Variants in ZNF469 observed in about 807,000 individuals in gnomAD.
ZNF469 encodes the protein zinc finger protein 469.
Under a neutral mutation model 1.0 loss-of-function variants are expected in ZNF469, and 1 was observed. That is an observed-to-expected ratio of 1.00 (90% CI 0.35 to 4.73). The LOEUF (loss-of-function observed/expected upper bound fraction) is 4.73, where lower values mean the gene tolerates loss of function less well. Ranked by LOEUF, ZNF469 falls within the 30% of genes most tolerant of loss-of-function variation. The pLI, the probability that ZNF469 is intolerant of heterozygous loss-of-function variation, is 0.16. For synonymous variants in ZNF469, 2,703 were observed against 2,363.4 expected (o/e 1.14, Z -4.17); for missense variants, 6,100 against 5,356.3 (o/e 1.14, Z -4.33).
At chr16:88,184,869 C>T in the ZNF469 span, among the ~76,000 whole-genome samples, 1 of 152,244 alleles carries the variant, frequency 6.6e-6, no homozygotes, top group South Asian at 2.1e-4. Flanking sequence ...CGTGCGTGCA[C>T]AGACACGGAC....
the ZNF469 span, among the ~76,000 whole-genome samples, chr16:88,123,497 T>C: frequency 6.6e-6 from 1 of 152,204 alleles, no homozygotes; most frequent in Non-Finnish European, 1.5e-5. Context: ...TTTTGGGCTG[T>C]TGTTAGGAAT....
chr16:88,366,095 TCACCA>T, the ZNF469 span, among the ~76,000 whole-genome samples: 1 of 117,980 alleles, frequency 8.5e-6, no homozygotes, highest in African/African-American at 3.5e-5. Context: ...ACCATCATCA[TCACCA>T]TCATCACCAT....
At chr16:88,296,410 A>G in the ZNF469 span, among the ~76,000 whole-genome samples, 275 of 152,106 alleles carry the variant, frequency 1.8e-3, 1 homozygote, top group African/African-American at 6.2e-3. Context: ...ATATGTGCAC[A>G]CCCATGCTCA....
At chr16:88,313,015 G>C in the ZNF469 span, among the ~76,000 whole-genome samples, 5 of 152,202 alleles carry the variant, frequency 3.3e-5, no homozygotes, top group Non-Finnish European at 7.3e-5. Context: ...TCTGCAGCCT[G>C]ATCTAGGGAT....
At chr16:88,372,938 A>C in the ZNF469 span, among the ~76,000 whole-genome samples, 4 of 152,130 alleles carry the variant, frequency 2.6e-5, no homozygotes, top group African/African-American at 9.6e-5. Context: ...CATCTTCACC[A>C]TCTTTACCAT....
chr16:88,251,194 G>A, the ZNF469 span, among the ~76,000 whole-genome samples: 2 of 152,158 alleles, frequency 1.3e-5, no homozygotes, highest in African/African-American at 2.4e-5. Context: ...GTTTTTGATA[G>A]CACATTTTCC....
chr16:88,215,616 C>G, the ZNF469 span, among the ~76,000 whole-genome samples: 1 of 151,956 alleles, frequency 6.6e-6, no homozygotes, highest in South Asian at 2.1e-4. Context: ...TCTCGAACTC[C>G]TGACCTCAGA....
chr16:88,318,323 C>T, the ZNF469 span, among the ~76,000 whole-genome samples: 2 of 152,212 alleles, frequency 1.3e-5, no homozygotes, highest in Non-Finnish European at 2.9e-5. Flanking sequence ...TTAGCCTGGC[C>T]CCCTCCAGCC....
chr16:88,380,388 C>CGGGTTTGGAAATTGA (rs1599339580), upstream of ZNF469, among the ~76,000 whole-genome samples: 4 of 115,484 alleles, frequency 3.5e-5, no homozygotes, highest in East Asian at 6.4e-4. Context: ...CACGCACTCA[C>CGGGTTTGGAAATTGA]AGACACGCCC....
At chr16:88,341,345 G>A in the ZNF469 span, among the ~76,000 whole-genome samples, 5 of 152,258 alleles carry the variant, frequency 3.3e-5, no homozygotes, top group Admixed American at 6.5e-5. Context: ...GGGAACATGC[G>A]TTTGGAATCT....
the ZNF469 span, among the ~76,000 whole-genome samples, chr16:88,325,160 C>T: frequency 3.2e-3 from 358 of 113,560 alleles, no homozygotes; most frequent in Middle Eastern, 8.5e-3. Flanking sequence ...GCAGCTGCGA[C>T]ATACACAGGG....
the ZNF469 span, among the ~76,000 whole-genome samples, chr16:88,265,526 G>A: frequency 6.6e-6 from 1 of 152,242 alleles, no homozygotes; most frequent in African/African-American, 2.4e-5. Context: ...GGGCACGGCA[G>A]TATCCGGCGG....
chr16:88,256,871 C>A, the ZNF469 span, among the ~76,000 whole-genome samples: 1 of 139,928 alleles, frequency 7.1e-6, no homozygotes, highest in African/African-American at 2.6e-5. Flanking sequence ...TCCTTCCTTT[C>A]TTTCTTTTCT....
the ZNF469 span, among the ~76,000 whole-genome samples, chr16:88,238,346 C>T: frequency 4.7e-4 from 71 of 152,306 alleles, no homozygotes; most frequent in Non-Finnish European, 7.9e-4. Context: ...CACAGGGGTC[C>T]CTCCCTGATG....
At chr16:88,397,045 G>C (rs1394151304) in intron 1 of ZNF469, among the ~76,000 whole-genome samples, 1 of 151,606 alleles carries the variant, frequency 6.6e-6, no homozygotes, top group African/African-American at 2.4e-5. Flanking sequence ...CCCTCATGAA[G>C]ACAGGCCGGG....
chr16:88,351,218 G>C, the ZNF469 span, among the ~76,000 whole-genome samples: 3 of 152,206 alleles, frequency 2.0e-5, no homozygotes, highest in African/African-American at 7.2e-5. Context: ...CCAAAGGCTG[G>C]ACGGCTGCCC....
At chr16:88,218,792 A>G in the ZNF469 span, among the ~76,000 whole-genome samples, 1 of 151,664 alleles carries the variant, frequency 6.6e-6, no homozygotes, top group Non-Finnish European at 1.5e-5. Context: ...AGAAGGAAAT[A>G]AAAGGTATTC....
At chr16:88,398,105 A>C (rs986942239) in intron 1 of ZNF469, among the ~76,000 whole-genome samples, 8 of 152,258 alleles carry the variant, frequency 5.3e-5, no homozygotes, top group African/African-American at 1.7e-4. Flanking sequence ...TGACCTCTCT[A>C]CAGCCTGATG....
chr16:88,230,326 C>T, the ZNF469 span, among the ~76,000 whole-genome samples: 1 of 152,220 alleles, frequency 6.6e-6, no homozygotes, highest in African/African-American at 2.4e-5. Context: ...GAGGCGGCCT[C>T]TGGCCTCTGG....
Sources: allele counts gnomAD v4.1 joint callset (sites outside exome capture counted in the v4.1 genomes callset), GRCh38; gene constraint gnomAD v4.1.1; transcripts MANE v1.5; gene names NCBI Gene and HGNC (gene_info 2026-07-23, HGNC 2026-07-21).